The following SIDT1 variants were observed in gnomAD, a reference collection of about 807,000 sequenced individuals.
SIDT1 encodes the protein SID1 transmembrane family member 1.
SIDT1 carries 101 observed loss-of-function variants against 107.5 expected under a neutral mutation model. That is an observed-to-expected ratio of 0.94 (90% confidence interval 0.80 to 1.11). The LOEUF is 1.11. SIDT1 is among the 50% of genes least tolerant of loss of function. The pLI is 0.00. For missense variants in SIDT1, 1,076 were observed against 1,058.2 expected (o/e 1.02, Z -0.23); for synonymous variants, 395 against 398.2 (o/e 0.99, Z 0.10).
At chr3:113,632,061 T>A (rs111473517), downstream of SIDT1, among the ~76,000 whole-genome samples, 1 of 151,338 alleles carries the variant, frequency 6.6e-6, no homozygotes, top group Non-Finnish European at 1.5e-5. Context: ...AATAGCTGAC[T>A]TTTTTTTTAA....
At chr3:113,612,046 G>A in intron 18 of SIDT1, 40 bp from the exon 19 acceptor site, 6 of 1,468,014 alleles carry the variant, frequency 4.1e-6, no homozygotes, top group East Asian at 2.3e-5. Context: ...GTTTTCTAGG[G>A]AAAACCTCAG....
chr3:113,599,370 G>C (rs1160646762), intron 10 of SIDT1, among the ~76,000 whole-genome samples: 3 of 152,180 alleles, frequency 2.0e-5, no homozygotes, highest in African/African-American at 7.2e-5. Context: ...TAAAATGTGA[G>C]TTTATTACAG....
At chr3:113,633,103 A>C (rs1947103866), downstream of SIDT1, 1 of 152,148 alleles carries the variant, frequency 6.6e-6, no homozygotes, top group Non-Finnish European at 1.5e-5. Flanking sequence ...TCTCTCTCAC[A>C]GCTGAATTCC....
chr3:113,571,486 G>GCACACACACACACACACACACA (rs60256247), intron 3 of SIDT1, among the ~76,000 whole-genome samples: 1,888 of 148,846 alleles, frequency 0.013, 52 homozygotes, highest in East Asian at 0.091. Context: ...CCTATCCTCT[G>GCACACACACACACACACACACA]CACACACACA....
At chr3:113,585,756 C>G (rs1227090405) in intron 9 of SIDT1, among the ~76,000 whole-genome samples, 1 of 152,138 alleles carries the variant, frequency 6.6e-6, no homozygotes, top group Non-Finnish European at 1.5e-5. Context: ...CAAGTGTTTT[C>G]CTTCTGTTGT....
intron 6 of SIDT1, among the ~76,000 whole-genome samples, chr3:113,582,958 G>A (rs933022154): frequency 1.3e-5 from 2 of 151,996 alleles, no homozygotes; most frequent in Admixed American, 6.6e-5. Flanking sequence ...CATACTTAGA[G>A]TAACTCAAAG....
In SIDT1 at chr3:113,567,548, G is replaced by A; in HGVS notation, c.353G>A (p.Arg118Lys). ...TATATTGGCTGCTTCAGATACCAGA[G>A]GAGCTACAACTATCAAGAAGTGAGC... The part of the protein sequence containing the change: ...VPLLFQGLYQ[R>K]SYNYQEVSRT... Residue 118 changes from arginine to lysine, a missense_variant, in exon 3 of 25, where the codon AGG becomes AAG. Arg to Lys is a conservative substitution (Grantham distance 26). Transcript: ENST00000264852. 3 of 1,611,978 alleles carry A rather than the reference G, an allele frequency of 1.9e-6. No homozygotes were observed. The highest frequency in any genetic ancestry group is 1.7e-6 in the Non-Finnish European group (2 of 1,179,078).
downstream of SIDT1, among the ~76,000 whole-genome samples, chr3:113,632,329 A>C (rs1055494851): frequency 6.6e-5 from 10 of 152,130 alleles, no homozygotes; most frequent in African/African-American, 2.2e-4. Context: ...TATTCTCCAA[A>C]ATAATTCAAA....
intron 19 of SIDT1, 65 bp downstream of exon 19, chr3:113,612,259 C>T: frequency 8.8e-7 from 1 of 1,132,820 alleles, no homozygotes; most frequent in Non-Finnish European, 1.3e-6. Context: ...CAGACACTGC[C>T]TTTACTTATG....
chr3:113,543,661 T>C (rs1473531244), intron 1 of SIDT1, among the ~76,000 whole-genome samples: 1 of 152,206 alleles, frequency 6.6e-6, no homozygotes, highest in Non-Finnish European at 1.5e-5. Flanking sequence ...AAAAAATCTA[T>C]GCTGCTATTG....
At chr3:113,616,913 C>A (rs1946149769) in intron 20 of SIDT1, among the ~76,000 whole-genome samples, 1 of 152,072 alleles carries the variant, frequency 6.6e-6, no homozygotes. Context: ...GTCTTGAACT[C>A]CCAACCTCAG....
chr3:113,633,770 G>C (rs1947107936), downstream of SIDT1, among the ~76,000 whole-genome samples: 1 of 152,226 alleles, frequency 6.6e-6, no homozygotes, highest in Non-Finnish European at 1.5e-5. Flanking sequence ...AAATGGATTG[G>C]GGACGGGGGA....
intron 1 of SIDT1, among the ~76,000 whole-genome samples, chr3:113,552,854 C>T (rs1006678592): frequency 2.6e-5 from 4 of 152,162 alleles, no homozygotes; most frequent in East Asian, 1.9e-4. Flanking sequence ...CCTTGCTTCC[C>T]GCAAAATTCA....
chr3:113,595,785 G>A (rs184668343), intron 10 of SIDT1, among the ~76,000 whole-genome samples: 65 of 152,278 alleles, frequency 4.3e-4, no homozygotes, highest in African/African-American at 1.4e-3. Context: ...GTAAGGTAGA[G>A]AGGCCACAGG....
intron 1 of SIDT1, among the ~76,000 whole-genome samples, chr3:113,543,665 G>T (rs1011926895): frequency 6.6e-6 from 1 of 152,124 alleles, no homozygotes. Flanking sequence ...AATCTATGCT[G>T]CTATTGACAC....
At chr3:113,610,404 T>C (rs1945649141) in intron 17 of SIDT1, among the ~76,000 whole-genome samples, 1 of 152,236 alleles carries the variant, frequency 6.6e-6, no homozygotes, top group Non-Finnish European at 1.5e-5. Context: ...TTTATTACTG[T>C]CAGACACTTA....
chr3:113,582,839 T>C (rs34355813), intron 6 of SIDT1, among the ~76,000 whole-genome samples: 5,663 of 151,864 alleles, frequency 0.037, 161 homozygotes, highest in Non-Finnish European at 0.061. Context: ...CACCAGAAGT[T>C]TGGGGATGAT....
At position 113,627,858 on chromosome 3, in the gene SIDT1, C is replaced by T. The variant is rs374205416; in HGVS notation, c.*150C>T. 4 of 685,340 alleles carry T rather than the reference C, an allele frequency of 5.8e-6. No individual in the cohort carries two copies. Among genetic ancestry groups the T allele is most frequent in the South Asian group, 1.8e-5 (1 of 54,204 alleles). The allele number at this position is 685,340 out of a possible 1,614,324, so 42.5% of individuals were successfully genotyped here. On this transcript the variant is annotated 3_prime_UTR_variant, in exon 25 of 25. Transcript: ENST00000264852. ...ATTCACACAGGAAGGAGAGGGGCTG[C>T]GGGAGATTTAAACCTGCAAGAAAGG...
At chr3:113,569,912 A>G (rs542087766) in intron 3 of SIDT1, among the ~76,000 whole-genome samples, 3 of 152,180 alleles carry the variant, frequency 2.0e-5, no homozygotes, top group East Asian at 1.9e-4. Flanking sequence ...GTTTAATTTA[A>G]TATATATTTT....
Sources: allele counts gnomAD v4.1 joint callset (sites outside exome capture counted in the v4.1 genomes callset), GRCh38; gene constraint gnomAD v4.1.1; transcripts MANE v1.5; gene names NCBI Gene and HGNC (gene_info 2026-07-23, HGNC 2026-07-21).